EMCN: variants seen among roughly 807,000 people sequenced by gnomAD.
EMCN encodes the protein endomucin.
Under a neutral mutation model 38.4 loss-of-function variants are expected in EMCN, and 37 were observed. The ratio of observed to expected loss-of-function variants is 0.96; its 90% CI spans 0.74 to 1.27. The LOEUF (loss-of-function observed/expected upper bound fraction) is 1.27. Ranked by LOEUF, EMCN falls within the 50% of genes most tolerant of loss-of-function variation. The probability of loss-of-function intolerance (pLI) is 0.00; values close to 1 mark genes in which losing one functional copy is unlikely to be tolerated. For missense variants in EMCN, 318 were observed against 302.8 expected (o/e 1.05, Z -0.37); for synonymous variants, 95 against 100.8 (o/e 0.94, Z 0.35).
intron 4 of EMCN, among the ~76,000 whole-genome samples, chr4:100,457,978 A>C (rs1254025616): frequency 6.6e-6 from 1 of 151,966 alleles, no homozygotes; most frequent in Non-Finnish European, 1.5e-5. Flanking sequence ...TTACCCGGGC[A>C]TGGTAGTGGG....
intron 4 of EMCN, among the ~76,000 whole-genome samples, chr4:100,447,913 T>G (rs1047777209): frequency 3.3e-5 from 5 of 152,098 alleles, no homozygotes; most frequent in Admixed American, 3.3e-4. Flanking sequence ...AACTTTATTT[T>G]CAAAAAGTCA....
At chr4:100,399,602 G>A (rs1486183583) in intron 11 of EMCN, among the ~76,000 whole-genome samples, 2 of 152,074 alleles carry the variant, frequency 1.3e-5, no homozygotes, top group African/African-American at 2.4e-5. Context: ...CTAGGCAGTC[G>A]AGCACATGCC....
rs374457637 is a variant in EMCN at position 100,465,420 on chromosome 4, T to G, written c.376+3A>C. 3.4e-5 allele frequency: 53 copies of G among 1,556,938 alleles called. No individual in the cohort carries two copies. Among genetic ancestry groups the G allele is most frequent in the Non-Finnish European group, 6.2e-6 (7 of 1,135,436 alleles). On this transcript the variant is annotated splice_donor_region_variant and intron_variant, in intron 4 of 11. Transcript: ENST00000296420. The stretch of plus-strand genomic sequence containing the variant: ...ACACTTCAGCACAAATCCTCATACT[T>G]ACTCTTGGGTTTGGAACTTTGTAAT...
intron 4 of EMCN, among the ~76,000 whole-genome samples, chr4:100,447,790 T>G (rs968094668): frequency 6.6e-6 from 1 of 152,094 alleles, no homozygotes; most frequent in Non-Finnish European, 1.5e-5. Context: ...AAGGGCCAAA[T>G]TTTTTAGGTT....
intron 5 of EMCN, among the ~76,000 whole-genome samples, chr4:100,438,322 A>C (rs1727412757): frequency 6.6e-6 from 1 of 152,092 alleles, no homozygotes; most frequent in South Asian, 2.1e-4. Context: ...GTTTATCAGA[A>C]TGTAACCCCA....
In EMCN at chr4:100,456,631, GT is replaced by G. The variant is rs921249953; in HGVS notation, c.376+8791del. On this transcript the variant is annotated intron_variant, in intron 4 of 11. Transcript: ENST00000296420. ...TGTATCAGCATAGAGCTATCTTTTAGTTTTTTTTTTGTTTAGATTAATTCCT... is the reference window on the plus strand; with the variant it reads ...TGTATCAGCATAGAGCTATCTTTTAGTTTTTTTTTGTTTAGATTAATTCCT... 3.7e-3 allele frequency among the ~76,000 whole-genome samples: 549 copies of G among 148,380 alleles called. 6 individuals are homozygous for G. The highest frequency in any genetic ancestry group is 0.012 in the African/African-American group (495 of 40,628).
rs369256534 is a variant in EMCN, at chr4:100,403,852, G to A, written c.*40-5479C>T. Among the ~76,000 whole-genome samples the A allele has an allele frequency of 7.9e-5, 12 of 152,160 alleles. No individual in the cohort carries two copies. In the South Asian group the frequency reaches 1.7e-3, roughly 21 times the overall value. On this transcript the variant is annotated intron_variant, in intron 11 of 11. Coordinates refer to ENST00000296420, the MANE Select transcript of EMCN (RefSeq NM_016242.4). The stretch of plus-strand genomic sequence containing the variant: ...ATATTAGGCACTTTTGCATATGCTT[G>A]TTGGCCCTGTGTATGTCTTCTTTTG...
chr4:100,423,524 A>G, intron 5 of EMCN, 120 bp from the exon 6 acceptor site: 2 of 681,594 alleles, frequency 2.9e-6, no homozygotes, highest in South Asian at 3.4e-5. Flanking sequence ...ATTGTCAAAT[A>G]GTAGGATAAA....
intron 8 of EMCN, among the ~76,000 whole-genome samples, chr4:100,419,580 C>A (rs1478801181): frequency 6.6e-6 from 1 of 152,084 alleles, no homozygotes; most frequent in Non-Finnish European, 1.5e-5. Context: ...TTTAGTATAG[C>A]ATATTTTTAC....
At chr4:100,465,913 A>G (rs900814110) in intron 3 of EMCN, among the ~76,000 whole-genome samples, 5 of 152,188 alleles carry the variant, frequency 3.3e-5, no homozygotes, top group African/African-American at 1.2e-4. Flanking sequence ...TTTCTGATGC[A>G]AAAGTTAATC....
intron 1 of EMCN, among the ~76,000 whole-genome samples, chr4:100,503,457 CTT>C (rs1417814569): frequency 1.3e-5 from 2 of 152,182 alleles, no homozygotes; most frequent in African/African-American, 4.8e-5. Context: ...TTTCTGCTCT[CTT>C]GATTAGTATC....
At chr4:100,501,026 C>T (rs1729337593) in intron 1 of EMCN, among the ~76,000 whole-genome samples, 1 of 151,768 alleles carries the variant, frequency 6.6e-6, no homozygotes. Context: ...GCTGTATTTT[C>T]AATTTTGCCA....
At chr4:100,431,905 G>T (rs1002380824) in intron 5 of EMCN, among the ~76,000 whole-genome samples, 3 of 151,880 alleles carry the variant, frequency 2.0e-5, no homozygotes, top group Non-Finnish European at 2.9e-5. Flanking sequence ...AAAATTAAGG[G>T]TTAATGGCTT....
intron 1 of EMCN, among the ~76,000 whole-genome samples, chr4:100,516,601 T>A (rs1729763408): frequency 6.6e-6 from 1 of 152,140 alleles, no homozygotes; most frequent in Non-Finnish European, 1.5e-5. Flanking sequence ...AAGTGAAATT[T>A]TCTGGCCTTG....
chr4:100,479,809 A>G lies in EMCN; in HGVS notation c.187+108T>C, dbSNP rs1225337608. The G allele has an allele frequency of 1.2e-5, 11 of 946,046 alleles. No individual in the cohort carries two copies. The African/African-American group carries it at 1.9e-4, about 17-fold the overall frequency. The allele number at this position is 946,046 out of a possible 1,614,324, so 58.6% of individuals were successfully genotyped here. A position where few individuals can be genotyped will look rare whatever the true frequency, so the allele number is the denominator to read the frequency against. On this transcript the variant is annotated intron_variant, in intron 2 of 11. Coordinates refer to ENST00000296420, the MANE Select transcript of EMCN (RefSeq NM_016242.4). ...AAATCGTGAAATAGCACTGACCTTT[A>G]TAACAATCAGATATAAGATCCCGAA...
chr4:100,416,859 T>C (rs1726750947), intron 9 of EMCN, among the ~76,000 whole-genome samples: 2 of 152,180 alleles, frequency 1.3e-5, no homozygotes. Flanking sequence ...TTTTCTATGA[T>C]ATTTTCCCTC....
At chr4:100,434,835 T>C (rs758111877) in intron 5 of EMCN, among the ~76,000 whole-genome samples, 4 of 152,036 alleles carry the variant, frequency 2.6e-5, no homozygotes, top group Non-Finnish European at 5.9e-5. Context: ...TCCCTTTATG[T>C]TAAAAACTCT....
intron 4 of EMCN, among the ~76,000 whole-genome samples, chr4:100,448,223 C>T (rs1475170425): frequency 6.6e-6 from 1 of 152,112 alleles, no homozygotes; most frequent in Non-Finnish European, 1.5e-5. Flanking sequence ...TCAAAGATCA[C>T]TTCAACACCT....
At chr4:100,401,880 C>G (rs1197249870) in intron 11 of EMCN, among the ~76,000 whole-genome samples, 1 of 152,094 alleles carries the variant, frequency 6.6e-6, no homozygotes, top group Non-Finnish European at 1.5e-5. Context: ...AGGGAGCAAC[C>G]AGGTAGCAGC....
Sources: allele counts gnomAD v4.1 joint callset (sites outside exome capture counted in the v4.1 genomes callset), GRCh38; gene constraint gnomAD v4.1.1; transcripts MANE v1.5; gene names NCBI Gene and HGNC (gene_info 2026-07-23, HGNC 2026-07-21).